SAMD13: variants seen among roughly 807,000 people sequenced by gnomAD.
SAMD13 encodes the protein sterile alpha motif domain containing 13.
A neutral mutation model predicts 12.4 loss-of-function variants in SAMD13; 9 were observed. That is an observed-to-expected ratio of 0.72 (90% CI 0.44 to 1.26). SAMD13 has a LOEUF of 1.26. Ranked by LOEUF, SAMD13 falls within the 50% of genes most tolerant of loss-of-function variation. The pLI, the probability that SAMD13 is intolerant of heterozygous loss-of-function variation, is 0.00. For synonymous variants in SAMD13, 46 were observed against 45.4 expected (o/e 1.01, Z -0.05); for missense variants, 84 against 119.6 (o/e 0.70, Z 1.39).
intron 3 of SAMD13, among the ~76,000 whole-genome samples, chr1:84,328,953 C>T (rs1055901541): frequency 6.6e-6 from 1 of 152,120 alleles, no homozygotes. Context: ...AAGGGCAGCA[C>T]GGTTGCCAGT....
intron 3 of SAMD13, among the ~76,000 whole-genome samples, chr1:84,327,042 C>T (rs985584048): frequency 3.9e-5 from 6 of 152,106 alleles, no homozygotes; most frequent in Non-Finnish European, 8.8e-5. Flanking sequence ...ACTGTGAAAT[C>T]AACATTCAGA....
Position 84,303,220 on chromosome 1 carries a change from C to T in SAMD13, c.-15C>T, listed in dbSNP as rs139870556. ...TTGATTAGTTGCTGAAGTAAAGGAA[C>T]CCTGCAGCCTTCCCATGCTATCTGT... is the stretch of plus-strand genomic sequence containing the variant. On this transcript the variant is annotated 5_prime_UTR_variant, in exon 2 of 4. Coordinates refer to ENST00000394834, the MANE Select transcript of SAMD13 (RefSeq NM_001134663.2). 9.9e-5 allele frequency: 159 copies of T among 1,612,486 alleles called. No homozygotes were observed. In the African/African-American group the frequency reaches 1.9e-3, roughly 19 times the overall value.
chr1:84,326,938 T>G (rs1679073545), intron 3 of SAMD13, among the ~76,000 whole-genome samples: 2 of 152,148 alleles, frequency 1.3e-5, no homozygotes, highest in Non-Finnish European at 2.9e-5. Context: ...TTAAATTTCT[T>G]CATACCTACC....
chr1:84,327,559 A>G (rs1234596235), intron 3 of SAMD13, among the ~76,000 whole-genome samples: 1 of 151,794 alleles, frequency 6.6e-6, no homozygotes, highest in Non-Finnish European at 1.5e-5. Flanking sequence ...ATACACAGGC[A>G]TATGCAAATG....
intron 2 of SAMD13, among the ~76,000 whole-genome samples, chr1:84,311,332 T>TAAAAAA (rs757714939): frequency 3.6e-5 from 4 of 112,192 alleles, no homozygotes; most frequent in African/African-American, 1.0e-4. Context: ...TGAGACTGTC[T>TAAAAAA]AAAAAAAAAA....
chr1:84,336,814 A>C (rs1008667427), intron 3 of SAMD13, among the ~76,000 whole-genome samples: 4 of 152,162 alleles, frequency 2.6e-5, no homozygotes, highest in African/African-American at 9.7e-5. Context: ...AGTCTCTTCT[A>C]CCTATGCGCC....
At chr1:84,335,948 C>A (rs1409290318) in intron 3 of SAMD13, among the ~76,000 whole-genome samples, 1 of 152,156 alleles carries the variant, frequency 6.6e-6, no homozygotes, top group Non-Finnish European at 1.5e-5. Context: ...TTGTAGGTGA[C>A]TTGCCCCTTG....
rs1460883520 is a variant in SAMD13, at chr1:84,326,474, G to A, written c.165+726G>A. Among the ~76,000 whole-genome samples the A allele has an allele frequency of 3.9e-5, 6 of 152,274 alleles. No individual in the cohort carries two copies. In the East Asian group the frequency reaches 9.7e-4, roughly 25 times the overall value. The stretch of plus-strand genomic sequence containing the variant: ...TAGAAAGAGGGAGAAAGTGGCAGGA[G>A]TCCATCCCAATTGTCTAGGTGATTC... On this transcript the variant is annotated intron_variant, in intron 3 of 3. Transcript: ENST00000394834.
At chr1:84,344,379 G>A (rs1207462526) in intron 3 of SAMD13, among the ~76,000 whole-genome samples, 2 of 152,114 alleles carry the variant, frequency 1.3e-5, no homozygotes, top group Non-Finnish European at 2.9e-5. Context: ...CCCACCAATA[G>A]GAAGGCAAGG....
intron 2 of SAMD13, among the ~76,000 whole-genome samples, chr1:84,323,115 C>T (rs2101802941): frequency 6.6e-6 from 1 of 152,178 alleles, no homozygotes; most frequent in East Asian, 1.9e-4. Flanking sequence ...ACTCTGTGTT[C>T]ACTACCAGAA....
chr1:84,300,397 C>T (rs1678428480), upstream of SAMD13, among the ~76,000 whole-genome samples: 1 of 152,114 alleles, frequency 6.6e-6, no homozygotes, highest in Admixed American at 6.5e-5. Context: ...AAGTAAAGAA[C>T]AAATTTTTTG....
At chr1:84,315,327 A>T (rs1197464188) in intron 2 of SAMD13, among the ~76,000 whole-genome samples, 1 of 152,180 alleles carries the variant, frequency 6.6e-6, no homozygotes, top group Non-Finnish European at 1.5e-5. Context: ...ATATAAGTGG[A>T]ATCATGCAAT....
intron 3 of SAMD13, among the ~76,000 whole-genome samples, chr1:84,330,196 A>G (rs1193082245): frequency 1.3e-5 from 2 of 152,172 alleles, no homozygotes; most frequent in South Asian, 2.1e-4. Context: ...TCTAGGACTC[A>G]GATTTCTATA....
chr1:84,343,702 CAG>C (rs1198325449), intron 3 of SAMD13, among the ~76,000 whole-genome samples: 1 of 151,972 alleles, frequency 6.6e-6, no homozygotes, highest in Non-Finnish European at 1.5e-5. Context: ...TGGGGCCTGT[CAG>C]GGGTGGGTTG....
Position 84,349,786 on chromosome 1 carries a change from T to C in SAMD13, c.*12T>C. On this transcript the variant is annotated 3_prime_UTR_variant, in exon 4 of 4. Coordinates refer to ENST00000394834, the MANE Select transcript of SAMD13 (RefSeq NM_001134663.2). ...ACAACTCTTCATAGTACAGTCAAATTGGGGTCTTCGACCTCAAAAAATACA... is the reference window on the plus strand; with the variant it reads ...ACAACTCTTCATAGTACAGTCAAATCGGGGTCTTCGACCTCAAAAAATACA... 6.3e-7 allele frequency: 1 copy of C among 1,594,852 alleles called. No homozygotes were observed. The highest frequency in any genetic ancestry group is 8.5e-7 in the Non-Finnish European group (1 of 1,171,502).
chr1:84,298,550 G>A (rs1278221148), upstream of SAMD13: 7 of 1,270,292 alleles, frequency 5.5e-6, no homozygotes, highest in East Asian at 1.8e-4. Flanking sequence ...AAACCTCCCG[G>A]CGCGGCCATG....
chr1:84,332,979 A>G (rs932563744), intron 3 of SAMD13, among the ~76,000 whole-genome samples: 2 of 152,182 alleles, frequency 1.3e-5, no homozygotes, highest in Admixed American at 6.6e-5. Context: ...CATTTGTTGA[A>G]TAGGAAGTCC....
At chr1:84,349,568 T>C in intron 3 of SAMD13, 63 bp from the exon 4 acceptor site, 10 of 1,555,774 alleles carry the variant, frequency 6.4e-6, no homozygotes, top group Non-Finnish European at 8.7e-6. Flanking sequence ...AACTTCCTTT[T>C]GTCTTCATTA....
upstream of SAMD13, among the ~76,000 whole-genome samples, chr1:84,300,210 G>C (rs1188711744): frequency 6.6e-6 from 1 of 152,158 alleles, no homozygotes; most frequent in Non-Finnish European, 1.5e-5. Flanking sequence ...TTTGAGATCA[G>C]CACTGGTGAA....
Sources: gnomAD v4.1 joint callset for allele counts (sites outside exome capture counted in the v4.1 genomes callset) on GRCh38, gnomAD v4.1.1 for gene constraint, MANE v1.5 for transcripts, NCBI Gene and HGNC (gene_info 2026-07-23, HGNC 2026-07-21) for gene names.